KSR2: variants seen among roughly 807,000 people sequenced by gnomAD.
The protein encoded by KSR2 is kinase suppressor of ras 2.
In KSR2, 25 loss-of-function variants were observed where a neutral mutation model predicts 107.8. The ratio of observed to expected loss-of-function variants is 0.23; its 90% CI spans 0.17 to 0.32. KSR2 has a LOEUF of 0.32. Ranked by LOEUF, KSR2 falls within the 10% of genes least tolerant of loss-of-function variation. The pLI is 1.00. For synonymous variants in KSR2, 480 were observed against 507.0 expected (o/e 0.95, Z 0.71); for missense variants, 887 against 1,268.9 (o/e 0.70, Z 4.57).
intron 3 of KSR2, among the ~76,000 whole-genome samples, chr12:117,781,620 C>T (rs1419516073): frequency 6.6e-6 from 1 of 152,218 alleles, no homozygotes; most frequent in East Asian, 1.9e-4. Context: ...GTGTCTTCAA[C>T]TGGACGATGA....
chr12:117,818,594 C>T (rs908244623), intron 3 of KSR2, among the ~76,000 whole-genome samples: 10 of 152,202 alleles, frequency 6.6e-5, no homozygotes, highest in African/African-American at 2.4e-4. Context: ...TAGTGCAGGG[C>T]ATGCCACCTG....
chr12:117,705,481 TG>T (rs1376407338), intron 4 of KSR2, among the ~76,000 whole-genome samples: 2 of 152,172 alleles, frequency 1.3e-5, no homozygotes, highest in African/African-American at 4.8e-5. Flanking sequence ...GTGCACTGAT[TG>T]GGCCCCCAAG....
chr12:117,784,027 AT>A (rs1465439825), intron 3 of KSR2, among the ~76,000 whole-genome samples: 5 of 151,992 alleles, frequency 3.3e-5, no homozygotes, highest in African/African-American at 4.8e-5. Flanking sequence ...GTACATGAGA[AT>A]TTTTTTTAAT....
chr12:117,721,621 G>A (rs756641508), intron 4 of KSR2, among the ~76,000 whole-genome samples: 10 of 152,190 alleles, frequency 6.6e-5, no homozygotes, highest in African/African-American at 4.8e-5. Context: ...AACGACCACT[G>A]CTGCCTCCTC....
At chr12:117,941,792 AT>A (rs542293863) in intron 1 of KSR2, among the ~76,000 whole-genome samples, 163 of 97,778 alleles carry the variant, frequency 1.7e-3, no homozygotes, top group African/African-American at 5.4e-3. Flanking sequence ...GGCCTGGCTA[AT>A]TTTTTTTTTT....
intron 1 of KSR2, among the ~76,000 whole-genome samples, chr12:117,944,949 A>G (rs927106510): frequency 1.3e-5 from 2 of 152,204 alleles, no homozygotes; most frequent in Non-Finnish European, 2.9e-5. Context: ...TAGTTTTCAG[A>G]GCAAGGAAAA....
intron 5 of KSR2, among the ~76,000 whole-genome samples, chr12:117,619,557 C>T (rs1227743674): frequency 6.6e-6 from 1 of 151,824 alleles, no homozygotes; most frequent in East Asian, 2.0e-4. Flanking sequence ...TTTTTTATGG[C>T]TGCATAGTAT....
At chr12:117,567,466 C>T (rs1022868624) in intron 7 of KSR2, among the ~76,000 whole-genome samples, 6 of 151,864 alleles carry the variant, frequency 4.0e-5, no homozygotes, top group African/African-American at 4.8e-5. Flanking sequence ...TGGATTTCGC[C>T]GAGAGCAAGG....
chr12:117,569,635 G>A (rs1018734909), intron 7 of KSR2, among the ~76,000 whole-genome samples: 1 of 152,128 alleles, frequency 6.6e-6, no homozygotes, highest in African/African-American at 2.4e-5. Flanking sequence ...TACGTCTATT[G>A]TAAGGTGGCT....
At chr12:117,643,187 TC>T (rs1327039222) in intron 5 of KSR2, among the ~76,000 whole-genome samples, 3 of 152,266 alleles carry the variant, frequency 2.0e-5, no homozygotes, top group African/African-American at 7.2e-5. Context: ...ACACCTGTGG[TC>T]CCAGCATTTT....
chr12:117,948,059 A>C (rs1896252725), intron 1 of KSR2, among the ~76,000 whole-genome samples: 1 of 152,204 alleles, frequency 6.6e-6, no homozygotes, highest in South Asian at 2.1e-4. Flanking sequence ...AAAATAACTA[A>C]ATAGCTAAAA....
chr12:117,963,019 G>A lies in KSR2; in HGVS notation c.180+5057C>T, dbSNP rs1896700787. Among the ~76,000 whole-genome samples the A allele has an allele frequency of 2.0e-5, 3 of 151,334 alleles. No individual in the cohort carries two copies. The South Asian group carries it at 6.3e-4, about 32-fold the overall frequency. On this transcript the variant is annotated intron_variant, in intron 1 of 19. Coordinates refer to ENST00000339824, the MANE Select transcript of KSR2 (RefSeq NM_173598.6). ...GGCCAATAGGCTGGTCTGAAACCCT[G>A]TCTCTACTAAAAATACAAAAATTAG...
chr12:117,918,683 G>A (rs1356102994), intron 1 of KSR2, among the ~76,000 whole-genome samples: 4 of 151,988 alleles, frequency 2.6e-5, no homozygotes, highest in African/African-American at 7.3e-5. Flanking sequence ...AGCTACTCGG[G>A]AGGCTGAGGC....
At chr12:117,482,354 G>A (rs1214010100) in intron 16 of KSR2, among the ~76,000 whole-genome samples, 1 of 152,140 alleles carries the variant, frequency 6.6e-6, no homozygotes, top group Admixed American at 6.5e-5. Context: ...GCTGAGCCCA[G>A]TCAACCCACA....
intron 1 of KSR2, among the ~76,000 whole-genome samples, chr12:117,916,092 T>C (rs1292987462): frequency 6.6e-6 from 1 of 151,992 alleles, no homozygotes; most frequent in Non-Finnish European, 1.5e-5. Context: ...GGTCTAAAAG[T>C]TCTCTACAAG....
intron 1 of KSR2, among the ~76,000 whole-genome samples, chr12:117,870,092 C>T (rs879815389): frequency 6.6e-6 from 1 of 152,184 alleles, no homozygotes; most frequent in Non-Finnish European, 1.5e-5. Flanking sequence ...GAGCTGTTCA[C>T]GGCTCCTTCC....
At chr12:117,901,177 G>A (rs1369563806) in intron 1 of KSR2, among the ~76,000 whole-genome samples, 1 of 151,752 alleles carries the variant, frequency 6.6e-6, no homozygotes, top group Admixed American at 6.6e-5. Context: ...AAAATGGGAG[G>A]CTGCCAAAAA....
intron 1 of KSR2, among the ~76,000 whole-genome samples, chr12:117,909,393 C>T (rs138743183): frequency 1.9e-4 from 29 of 152,236 alleles, no homozygotes; most frequent in African/African-American, 6.7e-4. Context: ...CTCACACTGG[C>T]GCTTCAGTTT....
Position 117,531,032 on chromosome 12 carries a change from A to G in KSR2, c.1730-19T>C, listed in dbSNP as rs1275518828. ...ACCACATCTGAAAACCAGAGATTGA[A>G]CACTCAGAAAAAAAATGTGAAGTCC... On this transcript the variant is annotated intron_variant, in intron 11 of 19. Transcript: ENST00000339824. The G allele has an allele frequency of 3.7e-6, 6 of 1,610,000 alleles. No individual in the cohort carries two copies. In the Admixed American group the frequency reaches 1.0e-4, roughly 27 times the overall value.
Sources: allele counts gnomAD v4.1 joint callset (sites outside exome capture counted in the v4.1 genomes callset), GRCh38; gene constraint gnomAD v4.1.1; transcripts MANE v1.5; gene names NCBI Gene and HGNC (gene_info 2026-07-23, HGNC 2026-07-21).